The following SH3PXD2A variants were observed in gnomAD, a reference collection of about 807,000 sequenced individuals.
SH3PXD2A encodes SH3 and PX domain-containing protein 2A.
Under a neutral mutation model 115.2 loss-of-function variants are expected in SH3PXD2A, and 32 were observed. That is an observed-to-expected ratio of 0.28 (90% confidence interval 0.21 to 0.37). The LOEUF (loss-of-function observed/expected upper bound fraction) is 0.37, where lower values mean the gene tolerates loss of function less well. Among genes scored for constraint, SH3PXD2A ranks in the 10% least tolerant of loss-of-function variants. The pLI is 1.00. For synonymous variants in SH3PXD2A, 610 were observed against 629.1 expected, an observed-to-expected ratio of 0.97 and a Z score of 0.45; for missense variants, 1,328 against 1,498.7, an observed-to-expected ratio of 0.89 and a Z score of 1.88.
intron 4 of SH3PXD2A, among the ~76,000 whole-genome samples, chr10:103,728,129 C>T (rs945105736): frequency 6.6e-6 from 1 of 152,256 alleles, no homozygotes; most frequent in Non-Finnish European, 1.5e-5. Flanking sequence ...GCCTCAGGGC[C>T]TCAGAGCCTC....
chr10:103,615,483 GGT>G (rs57711259), intron 11 of SH3PXD2A, among the ~76,000 whole-genome samples: 14,696 of 128,572 alleles, frequency 0.11, 1,112 homozygotes, highest in East Asian at 0.32. Flanking sequence ...AGAGTGCGAG[GGT>G]GTGTGTGTGT....
chr10:103,823,329 G>A (rs1328373001), intron 1 of SH3PXD2A, among the ~76,000 whole-genome samples: 2 of 152,224 alleles, frequency 1.3e-5, no homozygotes, highest in Non-Finnish European at 2.9e-5. Flanking sequence ...CTGGCTTTGT[G>A]TAAGAAGGTG....
intron 3 of SH3PXD2A, among the ~76,000 whole-genome samples, chr10:103,740,075 G>A (rs1404825964): frequency 6.6e-6 from 1 of 152,218 alleles, no homozygotes; most frequent in African/African-American, 2.4e-5. Context: ...AGAGGAGGAA[G>A]GAGGAAAGGG....
At chr10:103,764,734 T>C (rs1564883483) in intron 3 of SH3PXD2A, among the ~76,000 whole-genome samples, 1 of 152,178 alleles carries the variant, frequency 6.6e-6, no homozygotes, top group Admixed American at 6.5e-5. Flanking sequence ...GTGGCAGCTA[T>C]TGTGTTCTCG....
intron 1 of SH3PXD2A, among the ~76,000 whole-genome samples, chr10:103,842,154 T>C (rs1477752443): frequency 1.4e-5 from 2 of 147,258 alleles, no homozygotes; most frequent in Admixed American, 6.8e-5. Flanking sequence ...GCACAGCAAC[T>C]CCCACCATCA....
At chr10:103,637,722 C>A (rs2133977289) in intron 8 of SH3PXD2A, among the ~76,000 whole-genome samples, 1 of 152,280 alleles carries the variant, frequency 6.6e-6, no homozygotes, top group South Asian at 2.1e-4. Flanking sequence ...TTGCGAGCTC[C>A]AAGTGGCGAC....
In SH3PXD2A at chr10:103,602,523, T is replaced by A; in HGVS notation, c.2695A>T (p.Asn899Tyr). 1 of 1,614,066 alleles carries A rather than the reference T, an allele frequency of 6.2e-7. No homozygotes were observed. The highest frequency in any genetic ancestry group is 8.5e-7 in the Non-Finnish European group (1 of 1,179,994). Reference protein sequence around the residue: ...APSHYLVLDENEQPDPSGKEL... With the variant: ...APSHYLVLDEYEQPDPSGKEL... ...TTGCCAGAGGGGTCAGGTTGCTCGT[T>A]CTCATCCAGCACCAAATAGTGGGAA... The change falls in exon 15 of 15, where the codon AAC (asparagine) becomes TAC (tyrosine). Residue 899 changes from asparagine to tyrosine, a missense_variant. Asn to Tyr is a moderately radical substitution (Grantham distance 143, BLOSUM62 -2). Around this residue, in one of 5 missense-constraint regions of SH3PXD2A, gnomAD observed 574 missense variants for 565.7 expected, o/e 1.01. Coordinates refer to ENST00000369774, the MANE Select transcript of SH3PXD2A (RefSeq NM_001394015.1).
chr10:103,677,333 T>C (rs1444147919), intron 6 of SH3PXD2A, among the ~76,000 whole-genome samples: 1 of 152,026 alleles, frequency 6.6e-6, no homozygotes, highest in Non-Finnish European at 1.5e-5. Context: ...TCAGGAGTCA[T>C]GTAGGTTTGG....
chr10:103,795,812 C>T (rs1028198717), intron 2 of SH3PXD2A, among the ~76,000 whole-genome samples: 2 of 151,294 alleles, frequency 1.3e-5, no homozygotes, highest in East Asian at 1.9e-4. Flanking sequence ...GCTGGCACAC[C>T]GCCTGGATGT....
At chr10:103,849,566 C>T (rs757498190) in intron 1 of SH3PXD2A, among the ~76,000 whole-genome samples, 4 of 152,166 alleles carry the variant, frequency 2.6e-5, no homozygotes, top group Non-Finnish European at 4.4e-5. Context: ...CCTCATGTGA[C>T]CCCCATCCCC....
Position 103,724,375 on chromosome 10 carries a change from G to T in SH3PXD2A, c.307-14C>A. 3 of 1,513,830 alleles carry T rather than the reference G, an allele frequency of 2.0e-6. No individual in the cohort carries two copies. The allele number at this position is 1,513,830 out of a possible 1,614,324, so 93.8% of individuals were successfully genotyped here. A position where few individuals can be genotyped will look rare whatever the true frequency, so the allele number is the denominator to read the frequency against. On this transcript the variant is annotated splice_polypyrimidine_tract_variant and intron_variant, in intron 4 of 14. Coordinates refer to ENST00000369774, the MANE Select transcript of SH3PXD2A (RefSeq NM_001394015.1). ...CCGGACAAGTGCCTGTGGAGAGACA[G>T]GAAGAAAGGGCATTAGGTGTGATGA...
chr10:103,809,974 C>A (rs1260769312), intron 1 of SH3PXD2A, among the ~76,000 whole-genome samples: 1 of 152,178 alleles, frequency 6.6e-6, no homozygotes, highest in Non-Finnish European at 1.5e-5. Flanking sequence ...CAGGCATGAG[C>A]CACCTCATCC....
intron 3 of SH3PXD2A, among the ~76,000 whole-genome samples, chr10:103,739,468 A>AGAGG (rs1323053096): frequency 1.3e-5 from 2 of 151,226 alleles, no homozygotes; most frequent in African/African-American, 4.9e-5. Context: ...AGGGAGGGAG[A>AGAGG]GAGGGAGGGC....
At chr10:103,670,878 C>G (rs1404538086) in intron 6 of SH3PXD2A, among the ~76,000 whole-genome samples, 1 of 152,252 alleles carries the variant, frequency 6.6e-6, no homozygotes, top group Non-Finnish European at 1.5e-5. Context: ...GTGGGTGTTG[C>G]TGCCTGGTGC....
chr10:103,760,787 T>C (rs1309534443), intron 3 of SH3PXD2A, among the ~76,000 whole-genome samples: 3 of 152,232 alleles, frequency 2.0e-5, no homozygotes, highest in South Asian at 2.1e-4. Flanking sequence ...CAAACTCTTA[T>C]CCTCAAGTGA....
At chr10:103,840,005 C>T (rs114147835) in intron 1 of SH3PXD2A, among the ~76,000 whole-genome samples, 562 of 152,384 alleles carry the variant, frequency 3.7e-3, no homozygotes, top group African/African-American at 0.012. Context: ...GGGCTCCCAA[C>T]GCCCAGTGCC....
rs967963698 is a variant in SH3PXD2A, at chr10:103,848,064, A to C, written c.72+7131T>G. Among the ~76,000 whole-genome samples, 7 of 152,224 alleles carry C rather than the reference A, an allele frequency of 4.6e-5. 1 individual carries two copies. The highest frequency in any genetic ancestry group is 1.5e-5 in the Non-Finnish European group (1 of 68,038). On this transcript the variant is annotated intron_variant, in intron 1 of 14. Transcript: ENST00000369774. Reference sequence around the variant, plus strand: ...CTCAGACTGTGAGGTATTGGCCCCCAGAACCTACGAGGATGGGCGCATTCT... The same window carrying C: ...CTCAGACTGTGAGGTATTGGCCCCCCGAACCTACGAGGATGGGCGCATTCT...
intron 5 of SH3PXD2A, among the ~76,000 whole-genome samples, chr10:103,713,448 T>C (rs1395969362): frequency 6.6e-6 from 1 of 152,228 alleles, no homozygotes; most frequent in Admixed American, 6.5e-5. Flanking sequence ...AATGACTGCC[T>C]CAGGCCTATC....
intron 1 of SH3PXD2A, among the ~76,000 whole-genome samples, chr10:103,825,435 G>A (rs1589472638): frequency 6.6e-6 from 1 of 152,114 alleles, no homozygotes; most frequent in Admixed American, 6.5e-5. Flanking sequence ...TGCAAGAGGT[G>A]GGTGTTTTAT....
Sources: gnomAD v4.1 joint callset for allele counts (sites outside exome capture counted in the v4.1 genomes callset) on GRCh38, gnomAD v4.1.1 for gene constraint, gnomAD v4.1.1 regional missense constraint, MANE v1.5 for transcripts, NCBI Gene and HGNC (gene_info 2026-07-23, HGNC 2026-07-21) for gene names.